MRPL39: variants seen among roughly 807,000 people sequenced by gnomAD.
MRPL39 encodes large ribosomal subunit protein mL39.
A neutral mutation model predicts 44.5 loss-of-function variants in MRPL39; 35 were observed. That is an observed-to-expected ratio of 0.79 (90% CI 0.60 to 1.04). The LOEUF (loss-of-function observed/expected upper bound fraction) is 1.04. Among genes scored for constraint, MRPL39 ranks in the 50% least tolerant of loss-of-function variants. The pLI is 0.00. For missense variants in MRPL39, 433 were observed against 413.5 expected (o/e 1.05, Z -0.41); for synonymous variants, 139 against 136.1 (o/e 1.02, Z -0.15).
intron 3 of MRPL39, among the ~76,000 whole-genome samples, chr21:25,601,674 G>A (rs941185948): frequency 6.6e-6 from 1 of 152,126 alleles, no homozygotes; most frequent in South Asian, 2.1e-4. Flanking sequence ...TGAACCTCAG[G>A]TTCTTAGCAA....
At chr21:25,607,353 A>C in intron 1 of MRPL39, 50 bp downstream of exon 1, 1 of 1,596,762 alleles carries the variant, frequency 6.3e-7, no homozygotes, top group Non-Finnish European at 8.6e-7. Context: ...ATCTAGACAG[A>C]CACCACTATC....
intron 3 of MRPL39, among the ~76,000 whole-genome samples, chr21:25,603,476 A>G (rs1202941380): frequency 6.6e-6 from 1 of 152,206 alleles, no homozygotes; most frequent in Non-Finnish European, 1.5e-5. Context: ...GAAATCATCT[A>G]GATAAGATGG....
chr21:25,593,079 T>C lies in MRPL39; in HGVS notation c.768-114A>G, dbSNP rs983474173. ...CTAACATCCCTAATCAAGAACATTA[T>C]ATATGGTTCAATTCAGTTTCTAATG... On this transcript the variant is annotated intron_variant, in intron 7 of 9. Transcript: ENST00000352957. 1.9e-5 allele frequency: 17 copies of C among 907,642 alleles called. No individual in the cohort carries two copies. The Admixed American group carries it at 2.5e-4, about 13-fold the overall frequency. The allele number at this position is 907,642 out of a possible 1,614,324, so 56.2% of individuals were successfully genotyped here.
In MRPL39 at chr21:25,593,933, T is replaced by G; in HGVS notation, c.727A>C (p.Lys243Gln). 1 of 1,613,706 alleles carries G rather than the reference T, an allele frequency of 6.2e-7. No homozygotes were observed. Among genetic ancestry groups the G allele is most frequent in the Non-Finnish European group, 8.5e-7 (1 of 1,179,904 alleles). ...SKYKVDFIEE[K>Q]ASQNPERIVK... ...ATTCTCTCAGGGTTCTGAGATGCCT[T>G]CTCTTCTATGAAATCTACTTTGTAC... is the stretch of plus-strand genomic sequence containing the variant. The change falls in exon 7 of 10, where the codon AAG becomes CAG. Residue 243 changes from lysine to glutamine, a missense_variant. Physicochemically the swap from Lys to Gln is moderately conservative, Grantham distance 53. Coordinates refer to ENST00000352957, the MANE Select transcript of MRPL39 (RefSeq NM_017446.4).
intron 9 of MRPL39, 50 bp downstream of exon 9, chr21:25,588,785 T>A: frequency 1.3e-6 from 2 of 1,515,104 alleles, no homozygotes; most frequent in Non-Finnish European, 1.8e-6. Flanking sequence ...TGGTTAATTT[T>A]GATGAATTTC....
At chr21:25,601,590 A>T in intron 3 of MRPL39, 123 bp from the exon 4 acceptor site, 1 of 566,574 alleles carries the variant, frequency 1.8e-6, no homozygotes, top group South Asian at 3.8e-5. Flanking sequence ...ATCTCTGTTC[A>T]CACAATGTAG....
chr21:25,606,661 G>A lies in MRPL39; in HGVS notation c.74-6C>T, dbSNP rs373863098. 6.2e-7 allele frequency: 1 copy of A among 1,601,686 alleles called. No individual in the cohort carries two copies. Among genetic ancestry groups the A allele is most frequent in the South Asian group, 1.1e-5 (1 of 90,188 alleles). Reference sequence around the variant, plus strand: ...TGACGATGTTGCTATAAATCCTGTGGAGAAGTTACAATAAATATGAAGACT... The same window carrying A: ...TGACGATGTTGCTATAAATCCTGTGAAGAAGTTACAATAAATATGAAGACT... On this transcript the variant is annotated splice_polypyrimidine_tract_variant and splice_region_variant and intron_variant, in intron 1 of 9. Transcript: ENST00000352957.
At chr21:25,606,339 G>T in intron 2 of MRPL39, 110 bp downstream of exon 2, 3 of 966,180 alleles carry the variant, frequency 3.1e-6, no homozygotes, top group Non-Finnish European at 1.5e-6. Context: ...TAAAGGGATT[G>T]CCATGGCCAC....
intron 6 of MRPL39, among the ~76,000 whole-genome samples, chr21:25,596,442 C>A (rs1000453628): frequency 6.6e-6 from 1 of 152,200 alleles, no homozygotes; most frequent in African/African-American, 2.4e-5. Context: ...CAGCTTAACA[C>A]AGTACATGGT....
In MRPL39 at chr21:25,587,584, T is replaced by C. The variant is rs1028546150; in HGVS notation, c.969+1251A>G. ...GGGCTTACACAAATATAACAAATCC[T>C]GAAAGGCTTAACAGACAGAAAATAA... On this transcript the variant is annotated intron_variant, in intron 9 of 9. Transcript: ENST00000352957. 17 of 864,290 alleles carry C rather than the reference T, an allele frequency of 2.0e-5. No homozygotes were observed. The African/African-American group carries it at 2.7e-4, about 14-fold the overall frequency. 53.5% of individuals were successfully genotyped at this position (864,290 alleles called of 1,614,324 possible). A position where few individuals can be genotyped will look rare whatever the true frequency, so the allele number is the denominator to read the frequency against.
In MRPL39 at chr21:25,606,498, A is replaced by C; in HGVS notation, c.231T>G (p.Thr77=). ...AAATGTTTTTATTCATCACGAAGAC[A>C]GTACCGGGGTCAGTTTTCCCAACAT... The part of the protein sequence containing the change: ...VKHVGKTDPG[T]VFVMNKNIST... Residue 77 remains threonine (T), a synonymous_variant, in exon 2 of 10, where the codon ACT becomes ACG. Coordinates refer to ENST00000352957, the MANE Select transcript of MRPL39 (RefSeq NM_017446.4). 6.2e-7 allele frequency: 1 copy of C among 1,613,592 alleles called. No homozygotes were observed. Among genetic ancestry groups the C allele is most frequent in the Non-Finnish European group, 8.5e-7 (1 of 1,179,810 alleles).
In MRPL39 at chr21:25,606,537, C is replaced by T; in HGVS notation, c.192G>A (p.Lys64=). 1.2e-6 allele frequency: 2 copies of T among 1,614,062 alleles called. No homozygotes were observed. Among genetic ancestry groups the T allele is most frequent in the Non-Finnish European group, 1.7e-6 (2 of 1,179,938 alleles). Residue 64 remains lysine, a synonymous_variant, in exon 2 of 10, where the codon AAG becomes AAA. Coordinates refer to ENST00000352957, the MANE Select transcript of MRPL39 (RefSeq NM_017446.4). ...RQLSLTPRTE[K]IEVKHVGKTD... ...TTTTCCCAACATGCTTAACTTCTAT[C>T]TTCTCAGTTCGGGGAGTTAATGATA...
In MRPL39 at chr21:25,588,878, T is replaced by C. The variant is rs2031086842; in HGVS notation, c.926A>G (p.His309Arg). The stretch of plus-strand genomic sequence containing the variant: ...CAATAGCTTATCCCATATTGTAAAA[T>C]GTGCCTTGAAAAGAAAAGATTTGCG... ...GVSLPVHLRA[H>R]FTIWDKLLER... The change falls in exon 9 of 10, where the codon CAT becomes CGT. Residue 309 changes from histidine (H) to arginine (R), a missense_variant. Transcript: ENST00000352957. The C allele has an allele frequency of 1.2e-6, 2 of 1,612,778 alleles. No homozygotes were observed. The highest frequency in any genetic ancestry group is 1.7e-6 in the Non-Finnish European group (2 of 1,179,292).
intron 8 of MRPL39, 152 bp from the exon 9 acceptor site, chr21:25,589,034 A>C (rs1027957808): frequency 3.2e-6 from 2 of 627,270 alleles, no homozygotes; most frequent in Non-Finnish European, 5.3e-6. Flanking sequence ...CATAGTAGCA[A>C]AAAAAGGTGC....
rs867490789 is a variant in MRPL39, at chr21:25,587,654, T to C, written c.969+1181A>G. On this transcript the variant is annotated intron_variant, in intron 9 of 9. Coordinates refer to ENST00000352957, the MANE Select transcript of MRPL39 (RefSeq NM_017446.4). The stretch of plus-strand genomic sequence containing the variant: ...AATCAAAAAATAGTATGTGGACATA[T>C]ACAATCAAGCACAAACTTATATGAA... 3.0e-5 allele frequency: 41 copies of C among 1,361,478 alleles called. No homozygotes were observed. The Middle Eastern group carries it at 2.7e-3, about 88-fold the overall frequency. The allele number at this position is 1,361,478 out of a possible 1,614,324, so 84.3% of individuals were successfully genotyped here.
intron 3 of MRPL39, among the ~76,000 whole-genome samples, chr21:25,602,758 A>C (rs1327516761): frequency 2.6e-5 from 4 of 152,250 alleles, no homozygotes; most frequent in Admixed American, 2.6e-4. Context: ...GAATTGTAAA[A>C]GATAAATAGG....
rs569129048 is a variant in MRPL39, at chr21:25,591,604, A to G, written c.921+1208T>C. Among the ~76,000 whole-genome samples, 256 of 152,248 alleles carry G rather than the reference A, an allele frequency of 1.7e-3. 1 individual carries two copies. Among genetic ancestry groups the G allele is most frequent in the Non-Finnish European group, 2.1e-3 (141 of 68,008 alleles). On this transcript the variant is annotated intron_variant, in intron 8 of 9. Coordinates refer to ENST00000352957, the MANE Select transcript of MRPL39 (RefSeq NM_017446.4). ...TACCATTGGTCAACAGAGAAATTCAAATTAAAACTACAATGAGAAATCACT... is the reference window on the plus strand; with the variant it reads ...TACCATTGGTCAACAGAGAAATTCAGATTAAAACTACAATGAGAAATCACT...
At chr21:25,607,007 C>T (rs1309470768) in intron 1 of MRPL39, among the ~76,000 whole-genome samples, 1 of 152,246 alleles carries the variant, frequency 6.6e-6, no homozygotes, top group East Asian at 1.9e-4. Flanking sequence ...AAAGGTCCCA[C>T]ACCGAAACTA....
intron 7 of MRPL39, among the ~76,000 whole-genome samples, chr21:25,593,193 T>C (rs879918146): frequency 6.6e-6 from 1 of 152,118 alleles, no homozygotes; most frequent in Non-Finnish European, 1.5e-5. Context: ...TTGATATAGG[T>C]TTTAAGGTCT....
Sources: allele counts gnomAD v4.1 joint callset (sites outside exome capture counted in the v4.1 genomes callset), GRCh38; gene constraint gnomAD v4.1.1; transcripts MANE v1.5; gene names NCBI Gene and HGNC (gene_info 2026-07-23, HGNC 2026-07-21).